Variants in C1QTNF3 observed in about 807,000 individuals in gnomAD.
C1QTNF3 encodes complement C1q tumor necrosis factor-related protein 3.
Under a neutral mutation model 32.6 loss-of-function variants are expected in C1QTNF3, and 26 were observed. The observed-to-expected ratio is 0.80, with a 90% CI of 0.58 to 1.11. The LOEUF is 1.11. Ranked by LOEUF, C1QTNF3 falls within the 50% of genes least tolerant of loss-of-function variation. The pLI is 0.00. For synonymous variants in C1QTNF3, 155 were observed against 146.0 expected (o/e 1.06, Z -0.44); for missense variants, 362 against 398.2 (o/e 0.91, Z 0.77).
chr5:34,065,564 G>C, the C1QTNF3 span, among the ~76,000 whole-genome samples: 10 of 152,086 alleles, frequency 6.6e-5, no homozygotes, highest in Non-Finnish European at 1.3e-4. Flanking sequence ...CTACTAGGGA[G>C]ACTGAGGCAG....
rs181325708 is a variant in C1QTNF3, at chr5:34,023,844, A to G, written c.800+65T>C. On this transcript the variant is annotated intron_variant, in intron 5 of 5. Coordinates refer to ENST00000382065, the MANE Select transcript of C1QTNF3 (RefSeq NM_181435.6). Reference sequence around the variant, plus strand: ...ATTGACTCCTATACGCTTCCCTGTCATTAGGCATTCCTTGAACAAACAATG... The same window carrying G: ...ATTGACTCCTATACGCTTCCCTGTCGTTAGGCATTCCTTGAACAAACAATG... 3.6e-4 allele frequency: 482 copies of G among 1,337,314 alleles called. 4 individuals carry two copies. In the East Asian group the frequency reaches 6.9e-3, roughly 19 times the overall value. The allele number at this position is 1,337,314 out of a possible 1,614,324, so 82.8% of individuals were successfully genotyped here.
rs576048286 is a variant in C1QTNF3, at chr5:34,025,278, A to T, written c.701-1270T>A. 3.9e-5 allele frequency among the ~76,000 whole-genome samples: 6 copies of T among 152,350 alleles called. No homozygotes were observed. In the South Asian group the frequency reaches 1.2e-3, roughly 32 times the overall value. ...AATTTCCTATTAGACACATACACACACATAATTTTCAATGCCTCAAGAAGA... is the reference window on the plus strand; with the variant it reads ...AATTTCCTATTAGACACATACACACTCATAATTTTCAATGCCTCAAGAAGA... On this transcript the variant is annotated intron_variant, in intron 4 of 5. Coordinates refer to ENST00000382065, the MANE Select transcript of C1QTNF3 (RefSeq NM_181435.6).
chr5:34,145,678 C>CAAA, the C1QTNF3 span, among the ~76,000 whole-genome samples: 3 of 96,942 alleles, frequency 3.1e-5, no homozygotes, highest in African/African-American at 1.2e-4. Context: ...AGAGACACAG[C>CAAA]AAAAAAAAAA....
chr5:34,173,378 T>C, the C1QTNF3 span, among the ~76,000 whole-genome samples: 1 of 148,304 alleles, frequency 6.7e-6, no homozygotes, highest in African/African-American at 2.5e-5. Context: ...CTACTTCTGA[T>C]ATTATCAGGC....
chr5:34,219,917 T>C, the C1QTNF3 span: 2 of 152,124 alleles, frequency 1.3e-5, no homozygotes, highest in Non-Finnish European at 2.9e-5. Context: ...ATGTGCTCAC[T>C]GACAATGAAA....
chr5:34,195,567 C>T, the C1QTNF3 span, among the ~76,000 whole-genome samples: 6 of 152,218 alleles, frequency 3.9e-5, no homozygotes, highest in South Asian at 1.2e-3. Context: ...ATAGGCCGGG[C>T]GCGGTGGCTC....
At chr5:34,021,958 A>G (rs937680597) in intron 5 of C1QTNF3, among the ~76,000 whole-genome samples, 1 of 152,224 alleles carries the variant, frequency 6.6e-6, no homozygotes, top group African/African-American at 2.4e-5. Context: ...TACTCATTCA[A>G]TCAAGTAGAC....
At chr5:34,124,101 G>C in the C1QTNF3 span, 11 of 212,592 alleles carry the variant, frequency 5.2e-5, no homozygotes, top group African/African-American at 1.2e-4. Flanking sequence ...AAAGAAACAT[G>C]CTCCCTTATT....
the C1QTNF3 span, among the ~76,000 whole-genome samples, chr5:34,054,420 T>C: frequency 2.6e-5 from 4 of 152,174 alleles, no homozygotes; most frequent in Non-Finnish European, 4.4e-5. Flanking sequence ...GTAATAAATA[T>C]TTTAGGCTCT....
the C1QTNF3 span, among the ~76,000 whole-genome samples, chr5:34,102,136 A>T: frequency 3.3e-5 from 5 of 150,924 alleles, no homozygotes; most frequent in South Asian, 2.1e-4. Context: ...AACAATGTTT[A>T]CTCACACAAA....
At chr5:34,175,789 G>T in the C1QTNF3 span, 5 of 714,504 alleles carry the variant, frequency 7.0e-6, no homozygotes, top group Non-Finnish European at 1.3e-5. Flanking sequence ...ATGAGGACGG[G>T]TACATTATCC....
chr5:34,194,664 G>A, the C1QTNF3 span, among the ~76,000 whole-genome samples: 1 of 152,208 alleles, frequency 6.6e-6, no homozygotes, highest in Non-Finnish European at 1.5e-5. Flanking sequence ...CATATATTTT[G>A]TTTATAGTCA....
chr5:34,131,767 G>T, the C1QTNF3 span, among the ~76,000 whole-genome samples: 1 of 152,076 alleles, frequency 6.6e-6, no homozygotes, highest in Non-Finnish European at 1.5e-5. Flanking sequence ...GCTAGAAGGG[G>T]TATACTGAAT....
chr5:34,195,946 T>A, the C1QTNF3 span, among the ~76,000 whole-genome samples: 1 of 152,292 alleles, frequency 6.6e-6, no homozygotes, highest in Non-Finnish European at 1.5e-5. Context: ...GTCATGAGAA[T>A]AGAGCCCCTG....
the C1QTNF3 span, among the ~76,000 whole-genome samples, chr5:34,195,466 A>T: frequency 6.6e-6 from 1 of 150,640 alleles, no homozygotes; most frequent in Non-Finnish European, 1.5e-5. Flanking sequence ...GAGAGAAAGA[A>T]ACCTATCAGA....
At chr5:34,063,263 ACTTTCTGC>A in the C1QTNF3 span, among the ~76,000 whole-genome samples, 233 of 148,206 alleles carry the variant, frequency 1.6e-3, 1 homozygote, top group African/African-American at 5.7e-3. Flanking sequence ...TCTTTCTTTG[ACTTTCTGC>A]CTTTCTCTCT....
At chr5:34,176,344 G>T in the C1QTNF3 span, among the ~76,000 whole-genome samples, 1 of 150,302 alleles carries the variant, frequency 6.7e-6, no homozygotes, top group South Asian at 2.1e-4. Flanking sequence ...CATGGCACAT[G>T]TATACGTATG....
the C1QTNF3 span, among the ~76,000 whole-genome samples, chr5:34,178,424 G>A: frequency 6.6e-6 from 1 of 152,192 alleles, no homozygotes; most frequent in African/African-American, 2.4e-5. Flanking sequence ...ACAGAACAGT[G>A]CAGTCCACTG....
At chr5:34,175,234 G>C in the C1QTNF3 span, among the ~76,000 whole-genome samples, 1 of 151,208 alleles carries the variant, frequency 6.6e-6, no homozygotes, top group Non-Finnish European at 1.5e-5. Flanking sequence ...TGTAGAGATG[G>C]GGGTCCTCCT....
Sources: gnomAD v4.1 joint callset for allele counts (sites outside exome capture counted in the v4.1 genomes callset) on GRCh38, gnomAD v4.1.1 for gene constraint, MANE v1.5 for transcripts, NCBI Gene and HGNC (gene_info 2026-07-23, HGNC 2026-07-21) for gene names.